Variants in SHROOM3 observed in about 807,000 individuals in gnomAD.
SHROOM3 encodes the protein shroom family member 3.
Under a neutral mutation model 138.6 loss-of-function variants are expected in SHROOM3, and 47 were observed. That is an observed-to-expected ratio of 0.34 (90% CI 0.27 to 0.43). SHROOM3 has a LOEUF of 0.43. SHROOM3 is among the 20% of genes least tolerant of loss of function. The pLI is 1.00. For synonymous variants in SHROOM3, 1,062 were observed against 1,063.3 expected, an observed-to-expected ratio of 1.00 and a Z score of 0.02; for missense variants, 2,491 against 2,596.5, an observed-to-expected ratio of 0.96 and a Z score of 0.88.
At chr4:76,451,519 G>A (rs771645016) in intron 1 of SHROOM3, among the ~76,000 whole-genome samples, 22 of 152,038 alleles carry the variant, frequency 1.4e-4, no homozygotes, top group Non-Finnish European at 2.8e-4. Flanking sequence ...GACTGACTAG[G>A]GCACAAGGGA....
chr4:76,703,146 T>A (rs1719950530), intron 2 of SHROOM3, among the ~76,000 whole-genome samples: 1 of 152,104 alleles, frequency 6.6e-6, no homozygotes, highest in African/African-American at 2.4e-5. Flanking sequence ...TGAAGGGTTA[T>A]GTGTGGCCCT....
intron 1 of SHROOM3, among the ~76,000 whole-genome samples, chr4:76,493,777 G>A (rs968207001): frequency 6.6e-6 from 1 of 152,108 alleles, no homozygotes; most frequent in African/African-American, 2.4e-5. Flanking sequence ...TCAGGAGTTC[G>A]AGACCAGCCT....
chr4:76,720,915 C>T (rs1266786359), intron 3 of SHROOM3, among the ~76,000 whole-genome samples: 1 of 151,936 alleles, frequency 6.6e-6, no homozygotes, highest in African/African-American at 2.4e-5. Context: ...CGGCCTCCCC[C>T]CGAATTATTT....
intron 1 of SHROOM3, among the ~76,000 whole-genome samples, chr4:76,517,417 C>T (rs188734133): frequency 8.5e-5 from 13 of 152,296 alleles, no homozygotes; most frequent in Admixed American, 5.2e-4. Flanking sequence ...AAATACAGAA[C>T]ATCCCTAACC....
chr4:76,644,139 C>T (rs1046127531), intron 2 of SHROOM3: 2 of 151,954 alleles, frequency 1.3e-5, no homozygotes, highest in Non-Finnish European at 2.9e-5. Context: ...CCACCACACC[C>T]AGCCCACCTC....
At chr4:76,585,958 G>A (rs1397360343) in intron 2 of SHROOM3, among the ~76,000 whole-genome samples, 1 of 152,228 alleles carries the variant, frequency 6.6e-6, no homozygotes, top group African/African-American at 2.4e-5. Context: ...TCGCTTTAAT[G>A]GTCTTCACAG....
rs745666378 is a variant in SHROOM3, at chr4:76,756,608, A to G, written c.4869A>G (p.Gln1623=). 18 of 1,612,600 alleles carry G rather than the reference A, an allele frequency of 1.1e-5. No homozygotes were observed. The highest frequency in any genetic ancestry group is 1.3e-5 in the African/African-American group (1 of 74,338). The change falls in exon 8 of 11, where the codon CAA becomes CAG. Residue 1623 remains glutamine (Q), a synonymous_variant. Transcript: ENST00000296043. ...TPPSFMSVHA[Q]LAGSLGGQPA... ...CCTCCTTCATGAGCGTTCACGCCCA[A>G]CTTGCTGGGTCTCTTGGTGGGCAGC...
At chr4:76,562,285 C>CA (rs1364099576) in intron 2 of SHROOM3, among the ~76,000 whole-genome samples, 5 of 152,116 alleles carry the variant, frequency 3.3e-5, no homozygotes, top group African/African-American at 1.2e-4. Flanking sequence ...CTTGGGCCCA[C>CA]ACTCCCCCGA....
At chr4:76,736,890 C>T (rs1721088407) in intron 4 of SHROOM3, among the ~76,000 whole-genome samples, 2 of 152,168 alleles carry the variant, frequency 1.3e-5, no homozygotes, top group Non-Finnish European at 2.9e-5. Context: ...CAGAGTAGTA[C>T]ATTTGTTACA....
rs1206964452 is a variant in SHROOM3 at position 76,596,989 on chromosome 4, G to C, written c.323+41226G>C. ...AACAGCTCTGCCTATAGCTGAGGAA[G>C]AGCTGGTCTAGCCTCACCCCTTCAA... On this transcript the variant is annotated intron_variant, in intron 2 of 10. Transcript: ENST00000296043. Among the ~76,000 whole-genome samples, 5 of 152,298 alleles carry C rather than the reference G, an allele frequency of 3.3e-5. No individual in the cohort carries two copies. The East Asian group carries it at 9.7e-4, about 29-fold the overall frequency.
intron 2 of SHROOM3, among the ~76,000 whole-genome samples, chr4:76,654,294 G>T (rs921498915): frequency 6.6e-6 from 1 of 152,192 alleles, no homozygotes; most frequent in African/African-American, 2.4e-5. Flanking sequence ...AGGTAGACAG[G>T]TGACCTTGTC....
At chr4:76,524,119 G>A (rs1156590268) in intron 1 of SHROOM3, among the ~76,000 whole-genome samples, 1 of 152,214 alleles carries the variant, frequency 6.6e-6, no homozygotes, top group African/African-American at 2.4e-5. Flanking sequence ...TTAGCAGGAG[G>A]TAGAGGGTCC....
chr4:76,749,163 C>A, intron 6 of SHROOM3, 73 bp downstream of exon 6: 1 of 1,396,110 alleles, frequency 7.2e-7, no homozygotes, highest in Non-Finnish European at 1.0e-6. Flanking sequence ...TTCCTTTCTA[C>A]AAGAAATTGA....
rs146510982 is a variant in SHROOM3 at position 76,548,833 on chromosome 4, G to A, written c.169-6776G>A. On this transcript the variant is annotated intron_variant, in intron 1 of 10. Transcript: ENST00000296043. Reference sequence around the variant, plus strand: ...GCTTAGCTTCCGGGCTCCAATGTGCGGATATACACCCTCTCCTTAGCTTGT... The same window carrying A: ...GCTTAGCTTCCGGGCTCCAATGTGCAGATATACACCCTCTCCTTAGCTTGT... Among the ~76,000 whole-genome samples, 108 of 152,316 alleles carry A rather than the reference G, an allele frequency of 7.1e-4. 1 individual carries two copies. The highest frequency in any genetic ancestry group is 3.4e-3 in the Middle Eastern group (1 of 294).
intron 1 of SHROOM3, among the ~76,000 whole-genome samples, chr4:76,437,729 T>A (rs147794964): frequency 6.6e-6 from 1 of 152,340 alleles, no homozygotes; most frequent in African/African-American, 2.4e-5. Flanking sequence ...CATTGCCCAC[T>A]GTTTGAATGA....
chr4:76,451,840 GT>G (rs1473763841), intron 1 of SHROOM3, among the ~76,000 whole-genome samples: 2 of 152,116 alleles, frequency 1.3e-5, no homozygotes, highest in African/African-American at 2.4e-5. Flanking sequence ...ATTTTTAAAG[GT>G]TTTTTTAGAA....
intron 2 of SHROOM3, among the ~76,000 whole-genome samples, chr4:76,708,685 G>A (rs547270491): frequency 2.4e-4 from 36 of 152,242 alleles, no homozygotes; most frequent in Non-Finnish European, 4.4e-4. Flanking sequence ...TTATATAGAT[G>A]ACAGAACTGA....
intron 2 of SHROOM3, chr4:76,688,488 C>A (rs1719404733): frequency 1.0e-6 from 1 of 985,188 alleles, no homozygotes; most frequent in Non-Finnish European, 1.2e-6. Flanking sequence ...CATTTAACAA[C>A]AGGGATTCTG....
chr4:76,757,202 TTATTTA>T, intron 8 of SHROOM3: 2 of 447,200 alleles, frequency 4.5e-6, no homozygotes, highest in South Asian at 5.3e-5. Context: ...TTGTATTAAT[TTATTTA>T]TATCAACATT....
Sources: allele counts gnomAD v4.1 joint callset (sites outside exome capture counted in the v4.1 genomes callset), GRCh38; gene constraint gnomAD v4.1.1; transcripts MANE v1.5; gene names NCBI Gene and HGNC (gene_info 2026-07-23, HGNC 2026-07-21).